Variants in GRIA1 observed in about 807,000 individuals in gnomAD.
GRIA1 encodes the protein glutamate receptor 1.
Under a neutral mutation model 99.2 loss-of-function variants are expected in GRIA1, and 31 were observed. The ratio of observed to expected loss-of-function variants is 0.31; its 90% confidence interval spans 0.23 to 0.42. GRIA1 has a LOEUF of 0.42. GRIA1 is among the 10% of genes least tolerant of loss of function. GRIA1 has a pLI of 1.00. For missense variants in GRIA1, 782 were observed against 1,157.5 expected (o/e 0.68, Z 4.71); for synonymous variants, 438 against 432.4 (o/e 1.01, Z -0.16).
intron 2 of GRIA1, among the ~76,000 whole-genome samples, chr5:153,550,523 A>G (rs1480582273): frequency 6.6e-6 from 1 of 152,160 alleles, no homozygotes; most frequent in Non-Finnish European, 1.5e-5. Flanking sequence ...TATTGTACCT[A>G]TTCTAATAGG....
intron 13 of GRIA1, among the ~76,000 whole-genome samples, chr5:153,777,646 C>A (rs753359547): frequency 2.6e-5 from 4 of 152,022 alleles, no homozygotes; most frequent in Non-Finnish European, 5.9e-5. Context: ...TTTGTAAAAC[C>A]AACTGTGTTC....
intron 11 of GRIA1, among the ~76,000 whole-genome samples, chr5:153,749,231 G>A (rs1484951632): frequency 1.3e-5 from 2 of 152,138 alleles, no homozygotes; most frequent in Non-Finnish European, 2.9e-5. Flanking sequence ...CCGTGTCTGT[G>A]CTAAGTGTGA....
intron 2 of GRIA1, among the ~76,000 whole-genome samples, chr5:153,577,872 C>G (rs2055081): frequency 0.11 from 16,107 of 151,914 alleles, 933 homozygotes; most frequent in South Asian, 0.25. Context: ...AAAGATTCCC[C>G]AGGCACAGTG....
intron 13 of GRIA1, among the ~76,000 whole-genome samples, chr5:153,784,754 C>A (rs184504249): frequency 3.1e-4 from 47 of 152,242 alleles, no homozygotes; most frequent in African/African-American, 1.1e-3. Flanking sequence ...AGTTGTCTGC[C>A]CAGTCAGTTT....
intron 13 of GRIA1, among the ~76,000 whole-genome samples, chr5:153,775,684 T>C (rs1764183152): frequency 6.7e-6 from 1 of 148,972 alleles, no homozygotes; most frequent in Non-Finnish European, 1.5e-5. Flanking sequence ...CATCATCAAA[T>C]ACAGCTCATG....
chr5:153,603,925 G>A (rs1765225736), intron 2 of GRIA1, among the ~76,000 whole-genome samples: 1 of 152,082 alleles, frequency 6.6e-6, no homozygotes, highest in South Asian at 2.1e-4. Flanking sequence ...TATATAGTAA[G>A]CTCTCCATAA....
intron 11 of GRIA1, among the ~76,000 whole-genome samples, chr5:153,758,506 G>A (rs561289520): frequency 1.3e-5 from 2 of 151,988 alleles, no homozygotes; most frequent in Non-Finnish European, 1.5e-5. Context: ...AATACAGCAA[G>A]AGAATATAAT....
At chr5:153,777,085 C>T (rs1467886478) in intron 13 of GRIA1, among the ~76,000 whole-genome samples, 4 of 152,148 alleles carry the variant, frequency 2.6e-5, no homozygotes, top group African/African-American at 9.7e-5. Context: ...ATCAAAATTA[C>T]CTAGGGAGCT....
chr5:153,802,052 C>T (rs1421584033), intron 14 of GRIA1, among the ~76,000 whole-genome samples: 2 of 151,808 alleles, frequency 1.3e-5, no homozygotes, highest in Non-Finnish European at 2.9e-5. Context: ...TAGAAGCTGC[C>T]CTAAATTTCT....
chr5:153,766,858 G>A (rs11749611), intron 12 of GRIA1, among the ~76,000 whole-genome samples: 90,827 of 152,044 alleles, frequency 0.6, 27,880 homozygotes, highest in East Asian at 0.94. Flanking sequence ...CACTACGTCA[G>A]TTGACATATT....
At chr5:153,550,851 G>T (rs549489869) in intron 2 of GRIA1, among the ~76,000 whole-genome samples, 1 of 152,290 alleles carries the variant, frequency 6.6e-6, no homozygotes, top group South Asian at 2.1e-4. Context: ...AATTCAGTAG[G>T]TCTGGGGTTG....
At chr5:153,491,767 C>T (rs1311123630) in intron 1 of GRIA1, among the ~76,000 whole-genome samples, 1 of 152,158 alleles carries the variant, frequency 6.6e-6, no homozygotes, top group Non-Finnish European at 1.5e-5. Flanking sequence ...TGTTACTGGG[C>T]TCCATCCTCT....
At chr5:153,655,500 G>A (rs886658451) in intron 4 of GRIA1, among the ~76,000 whole-genome samples, 6 of 152,184 alleles carry the variant, frequency 3.9e-5, no homozygotes, top group African/African-American at 1.4e-4. Flanking sequence ...GAGCATTTCA[G>A]ATGGGTCCTT....
chr5:153,751,868 A>G (rs1328840457), intron 11 of GRIA1, among the ~76,000 whole-genome samples: 6 of 152,226 alleles, frequency 3.9e-5, no homozygotes, highest in Non-Finnish European at 5.9e-5. Flanking sequence ...GCCTGCTTCC[A>G]GCACCTTACT....
intron 2 of GRIA1, among the ~76,000 whole-genome samples, chr5:153,623,679 G>A (rs1767289189): frequency 6.6e-6 from 1 of 152,036 alleles, no homozygotes. Context: ...GGAAATAATG[G>A]GATCCATATG....
intron 14 of GRIA1, among the ~76,000 whole-genome samples, chr5:153,796,792 A>T (rs1483406479): frequency 4.6e-5 from 2 of 43,770 alleles, no homozygotes; most frequent in Non-Finnish European, 4.9e-5. Flanking sequence ...CCCCACCCCC[A>T]CCCCCCGGCT....
chr5:153,578,270 C>T (rs35815197), intron 2 of GRIA1, among the ~76,000 whole-genome samples: 16,137 of 151,500 alleles, frequency 0.11, 945 homozygotes, highest in South Asian at 0.25. Context: ...TGAAGGTATT[C>T]GTTTAAATAG....
intron 15 of GRIA1, among the ~76,000 whole-genome samples, chr5:153,808,469 TAAAC>T (rs1437543564): frequency 6.6e-6 from 1 of 152,174 alleles, no homozygotes; most frequent in Non-Finnish European, 1.5e-5. Flanking sequence ...ACTGTTACCT[TAAAC>T]AAGTCAGTCA....
At chr5:153,631,744 T>A (rs537503252) in intron 2 of GRIA1, among the ~76,000 whole-genome samples, 1 of 152,322 alleles carries the variant, frequency 6.6e-6, no homozygotes, top group African/African-American at 2.4e-5. Context: ...CCACGTTGCA[T>A]CAGTTAAGAG....
Sources: gnomAD v4.1 joint callset for allele counts (sites outside exome capture counted in the v4.1 genomes callset) on GRCh38, gnomAD v4.1.1 for gene constraint, MANE v1.5 for transcripts, NCBI Gene and HGNC (gene_info 2026-07-23, HGNC 2026-07-21) for gene names.